The following ROBO2 variants were observed in gnomAD, a reference collection of about 807,000 sequenced individuals.
ROBO2 encodes roundabout homolog 2.
Under a neutral mutation model 160.8 loss-of-function variants are expected in ROBO2, and 53 were observed. That is an observed-to-expected ratio of 0.33 (90% CI 0.26 to 0.41). ROBO2 has a LOEUF of 0.41. ROBO2 is among the 10% of genes least tolerant of loss of function. The pLI is 1.00. For missense variants in ROBO2, 1,577 were observed against 1,722.4 expected, an observed-to-expected ratio of 0.92 and a Z score of 1.49; for synonymous variants, 664 against 611.7, an observed-to-expected ratio of 1.09 and a Z score of -1.26.
intron 2 of ROBO2, among the ~76,000 whole-genome samples, chr3:76,742,675 T>C (rs997606243): frequency 2.0e-5 from 3 of 152,100 alleles, no homozygotes; most frequent in Non-Finnish European, 2.9e-5. Flanking sequence ...ATTAGTGTTA[T>C]CTTGGTTTTA....
chr3:75,911,596 C>T (rs1946591276), intron 1 of ROBO2, among the ~76,000 whole-genome samples: 1 of 111,476 alleles, frequency 9.0e-6, no homozygotes, highest in Non-Finnish European at 1.7e-5. Flanking sequence ...TTCGCTCTGT[C>T]GCCCAGGCTG....
intron 2 of ROBO2, among the ~76,000 whole-genome samples, chr3:76,164,692 A>G (rs2072758545): frequency 1.3e-5 from 2 of 152,212 alleles, no homozygotes. Flanking sequence ...TGCTGTAAAC[A>G]GATATACCAT....
At chr3:76,541,594 A>C (rs2082820259) in intron 2 of ROBO2, among the ~76,000 whole-genome samples, 1 of 152,228 alleles carries the variant, frequency 6.6e-6, no homozygotes, top group Non-Finnish European at 1.5e-5. Flanking sequence ...CAGCCTTCAG[A>C]TGGCAAAGAG....
Position 76,457,290 on chromosome 3 carries a change from G to A in ROBO2, c.109+519688G>A, listed in dbSNP as rs2077814226. ...TTGGGTAAATACAGCCATTCCAAAT[G>A]AGAGAAATTGGCCAAAACAAAGGGG... is the stretch of plus-strand genomic sequence containing the variant. On this transcript the variant is annotated intron_variant, in intron 2 of 26. Coordinates refer to the ROBO2 transcript ENST00000487694. 2.6e-5 allele frequency among the ~76,000 whole-genome samples: 4 copies of A among 152,204 alleles called. No homozygotes were observed. The South Asian group carries it at 6.2e-4, about 24-fold the overall frequency.
intron 2 of ROBO2, among the ~76,000 whole-genome samples, chr3:76,659,811 T>A (rs750305404): frequency 6.6e-6 from 1 of 152,136 alleles, no homozygotes; most frequent in African/African-American, 2.4e-5. Context: ...TCCACAGTTG[T>A]ATGAGTGAGA....
At chr3:77,365,709 A>G (rs913775988) in intron 2 of ROBO2, among the ~76,000 whole-genome samples, 1 of 151,942 alleles carries the variant, frequency 6.6e-6, no homozygotes, top group African/African-American at 2.4e-5. Flanking sequence ...AACAAAGTGC[A>G]TCATGAATTG....
intron 2 of ROBO2, among the ~76,000 whole-genome samples, chr3:77,212,452 C>T (rs561299694): frequency 6.2e-4 from 95 of 152,148 alleles, no homozygotes; most frequent in Non-Finnish European, 1.1e-3. Context: ...CTGAAGTTGC[C>T]TACCAGCTTA....
At chr3:76,203,054 T>C (rs1022872039) in intron 2 of ROBO2, among the ~76,000 whole-genome samples, 3 of 152,146 alleles carry the variant, frequency 2.0e-5, no homozygotes, top group Non-Finnish European at 4.4e-5. Flanking sequence ...GAAATTACAA[T>C]TCCTGACTCA....
intron 2 of ROBO2, among the ~76,000 whole-genome samples, chr3:76,895,495 G>A (rs1577319254): frequency 6.6e-6 from 1 of 151,962 alleles, no homozygotes; most frequent in Non-Finnish European, 1.5e-5. Context: ...GTAGCACAGT[G>A]CTTTATAATT....
At chr3:76,115,146 A>C (rs540624709) in intron 2 of ROBO2, among the ~76,000 whole-genome samples, 8 of 152,264 alleles carry the variant, frequency 5.3e-5, no homozygotes, top group Middle Eastern at 3.4e-3. Flanking sequence ...AAGAACACTA[A>C]GTTTGAACTA....
At position 77,382,374 on chromosome 3, in the gene ROBO2, T is replaced by C. The variant is rs555607906; in HGVS notation, c.389-95040T>C. On this transcript the variant is annotated intron_variant, in intron 2 of 25. Coordinates refer to ENST00000461745, the Ensembl canonical transcript of ROBO2. ...TTTTTTTTTTTTTTAAAAAGTCTTTTTTTAGGTGTTTTAAGTAATTCTCTT... is the reference window on the plus strand; with the variant it reads ...TTTTTTTTTTTTTTAAAAAGTCTTTCTTTAGGTGTTTTAAGTAATTCTCTT... Among the ~76,000 whole-genome samples the C allele has an allele frequency of 2.9e-3, 441 of 151,980 alleles. 2 individuals are homozygous for C. Among genetic ancestry groups the C allele is most frequent in the Admixed American group, 4.7e-3 (72 of 15,264 alleles).
intron 2 of ROBO2, among the ~76,000 whole-genome samples, chr3:76,802,235 TA>T: frequency 6.6e-6 from 1 of 152,262 alleles, no homozygotes. Context: ...CTTCAGTTTA[TA>T]AAAAAAGTGC....
intron 2 of ROBO2, among the ~76,000 whole-genome samples, chr3:77,438,545 C>A (rs2079566673): frequency 1.3e-5 from 1 of 79,394 alleles, no homozygotes; most frequent in Admixed American, 1.1e-4. Context: ...GGGATACACA[C>A]ACACACACAC....
chr3:75,973,487 G>A (rs371755161), intron 2 of ROBO2, among the ~76,000 whole-genome samples: 66 of 151,616 alleles, frequency 4.4e-4, no homozygotes, highest in African/African-American at 1.5e-3. Context: ...AAGGCAAAAG[G>A]AACTAAGTGA....
chr3:76,060,489 G>T (rs2068036302), intron 2 of ROBO2, among the ~76,000 whole-genome samples: 2 of 152,174 alleles, frequency 1.3e-5, no homozygotes, highest in South Asian at 4.1e-4. Flanking sequence ...AATCAGCACA[G>T]GAAATTTTGG....
intron 2 of ROBO2, among the ~76,000 whole-genome samples, chr3:77,343,156 A>G (rs2153452511): frequency 6.6e-6 from 1 of 152,190 alleles, no homozygotes; most frequent in Non-Finnish European, 1.5e-5. Context: ...AGCCTTAATT[A>G]TTGCCTAAAG....
chr3:77,412,135 T>C (rs1430916267), intron 2 of ROBO2, among the ~76,000 whole-genome samples: 1 of 146,732 alleles, frequency 6.8e-6, no homozygotes, highest in Non-Finnish European at 1.5e-5. Flanking sequence ...GTTCTAAAAG[T>C]ACCCCAGGCA....
rs925292370 is a variant in ROBO2 at position 76,135,879 on chromosome 3, A to G, written c.109+198277A>G. On this transcript the variant is annotated intron_variant, in intron 2 of 26. Coordinates refer to the ROBO2 transcript ENST00000487694. Reference sequence around the variant, plus strand: ...CCAGAGATGAATTTTGCGTGTGCTGAAGAGGAAATATTACTTCACGAGTAT... The same window carrying G: ...CCAGAGATGAATTTTGCGTGTGCTGGAGAGGAAATATTACTTCACGAGTAT... Among the ~76,000 whole-genome samples the G allele has an allele frequency of 1.3e-3, 194 of 152,252 alleles. 5 individuals carry two copies. The highest frequency in any genetic ancestry group is 1.0e-3 in the Admixed American group (16 of 15,282).
chr3:76,316,972 A>G (rs1284126083), intron 2 of ROBO2, among the ~76,000 whole-genome samples: 1 of 152,208 alleles, frequency 6.6e-6, no homozygotes, highest in Non-Finnish European at 1.5e-5. Flanking sequence ...CACTAGTTCT[A>G]ACTTCCAGAT....
Sources: gnomAD v4.1 joint callset for allele counts (sites outside exome capture counted in the v4.1 genomes callset) on GRCh38, gnomAD v4.1.1 for gene constraint, MANE v1.5 for transcripts, NCBI Gene and HGNC (gene_info 2026-07-23, HGNC 2026-07-21) for gene names.